UBAP2: variants seen among roughly 807,000 people sequenced by gnomAD.
UBAP2 encodes ubiquitin associated protein 2, also known as ubiquitin-associated protein 2.
A neutral mutation model predicts 139.6 loss-of-function variants in UBAP2; 75 were observed. The observed-to-expected ratio is 0.54, with a 90% CI of 0.45 to 0.65. The LOEUF is 0.65. Ranked by LOEUF, UBAP2 falls within the 30% of genes least tolerant of loss-of-function variation. The pLI is 0.00. For missense variants in UBAP2, 1,368 were observed against 1,369.6 expected, an observed-to-expected ratio of 1.00 and a Z score of 0.02; for synonymous variants, 526 against 526.2, an observed-to-expected ratio of 1.00 and a Z score of 0.01.
In UBAP2 at chr9:33,923,976, C is replaced by T. The variant is rs151191223; in HGVS notation, c.2615G>A (p.Gly872Glu). The change falls in exon 24 of 29, where the codon GGG becomes GAG. Residue 872 changes from glycine to glutamate, a missense_variant. Coordinates refer to ENST00000379238, the MANE Select transcript of UBAP2 (RefSeq NM_001370062.2). ...AGCGGGTGCAGGGGATGCAGAGTCCCCACGGCCAAACTTTGTGACATCACC... is the reference window on the plus strand; with the variant it reads ...AGCGGGTGCAGGGGATGCAGAGTCCTCACGGCCAAACTTTGTGACATCACC... ...YPGDVTKFGR[G>E]DSASPAPATT... 69 of 1,613,778 alleles carry T rather than the reference C, an allele frequency of 4.3e-5. No individual in the cohort carries two copies. Among genetic ancestry groups the T allele is most frequent in the Middle Eastern group, 3.4e-4 (2 of 5,916 alleles).
intron 1 of UBAP2, among the ~76,000 whole-genome samples, chr9:34,039,009 G>A (rs187837703): frequency 0.053 from 7,676 of 145,810 alleles, 279 homozygotes; most frequent in Middle Eastern, 0.12. Flanking sequence ...CTGCCCGGCC[G>A]ACCCGTCTGA....
intron 8 of UBAP2, chr9:33,968,629 T>C (rs1190565330): frequency 1.1e-5 from 3 of 276,648 alleles, no homozygotes; most frequent in Non-Finnish European, 1.4e-5. Context: ...GAAATAATCA[T>C]ACGGATTTTT....
intron 1 of UBAP2, among the ~76,000 whole-genome samples, chr9:34,030,695 G>A (rs1203602837): frequency 6.6e-6 from 1 of 152,114 alleles, no homozygotes; most frequent in African/African-American, 2.4e-5. Flanking sequence ...GGGAGGCCCG[G>A]GCGCATGGAT....
intron 5 of UBAP2, among the ~76,000 whole-genome samples, chr9:33,987,151 C>T (rs1213313348): frequency 6.6e-6 from 1 of 152,040 alleles, no homozygotes; most frequent in Non-Finnish European, 1.5e-5. Flanking sequence ...TGGCTCACAC[C>T]TATAATTCCA....
chr9:33,942,667 T>C (rs307659), intron 15 of UBAP2, among the ~76,000 whole-genome samples: 29,196 of 150,738 alleles, frequency 0.19, 2,940 homozygotes, highest in South Asian at 0.36. Context: ...GAGGCAGAGG[T>C]TGCAGCGAGC....
chr9:33,924,175 G>T, intron 23 of UBAP2, 31 bp downstream of exon 23: 1 of 1,611,932 alleles, frequency 6.2e-7, no homozygotes, highest in Non-Finnish European at 8.5e-7. Flanking sequence ...GGCCGGCCCC[G>T]GGCTACTCCT....
At chr9:34,044,703 T>C (rs148999790) in intron 1 of UBAP2, among the ~76,000 whole-genome samples, 1 of 151,350 alleles carries the variant, frequency 6.6e-6, no homozygotes, top group African/African-American at 2.4e-5. Flanking sequence ...CCATCTCTAC[T>C]AAAATTACAA....
intron 6 of UBAP2, among the ~76,000 whole-genome samples, chr9:33,977,009 C>T (rs1354029818): frequency 6.7e-6 from 1 of 148,486 alleles, no homozygotes; most frequent in Non-Finnish European, 1.5e-5. Flanking sequence ...AAGACTCGGT[C>T]TTGGAAAAAA....
chr9:33,939,131 G>C (rs935527257), intron 16 of UBAP2, among the ~76,000 whole-genome samples: 2 of 150,746 alleles, frequency 1.3e-5, no homozygotes, highest in Admixed American at 6.6e-5. Flanking sequence ...TCTCATTAGA[G>C]GTAGAGTGGC....
At chr9:33,982,880 G>GTTTTTTTTTTTTTTTT (rs544925444) in intron 6 of UBAP2, among the ~76,000 whole-genome samples, 1 of 138,484 alleles carries the variant, frequency 7.2e-6, no homozygotes. Flanking sequence ...GTTTTTTTTT[G>GTTTTTTTTTTTTTTTT]TTTTTTTTTT....
chr9:33,931,895 G>A (rs1183466823), intron 19 of UBAP2, among the ~76,000 whole-genome samples: 1 of 151,934 alleles, frequency 6.6e-6, no homozygotes, highest in Non-Finnish European at 1.5e-5. Context: ...GTTAATCCAG[G>A]CACCTTTCTA....
intron 1 of UBAP2, among the ~76,000 whole-genome samples, chr9:34,023,483 C>T (rs1417503913): frequency 6.6e-6 from 1 of 152,166 alleles, no homozygotes; most frequent in Non-Finnish European, 1.5e-5. Flanking sequence ...ATAACGCAAA[C>T]TATTAAAATT....
chr9:33,936,926 C>CAAAAAAAA (rs66465145), intron 16 of UBAP2, among the ~76,000 whole-genome samples: 3 of 59,794 alleles, frequency 5.0e-5, no homozygotes, highest in South Asian at 7.7e-4. Flanking sequence ...AACTCCAGCT[C>CAAAAAAAA]AAAAAAAAAA....
chr9:34,018,020 T>G (rs1261896776), intron 1 of UBAP2, among the ~76,000 whole-genome samples: 1 of 152,120 alleles, frequency 6.6e-6, no homozygotes, highest in Non-Finnish European at 1.5e-5. Context: ...TAATTAAGTA[T>G]GTCATCAAAA....
At position 33,927,063 on chromosome 9, in the gene UBAP2, A is replaced by G. The variant is rs141121044; in HGVS notation, c.2389T>C (p.Leu797=). 2.4e-5 allele frequency: 39 copies of G among 1,612,692 alleles called. No homozygotes were observed. The highest frequency in any genetic ancestry group is 3.3e-4 in the Middle Eastern group (2 of 6,076). The stretch of plus-strand genomic sequence containing the variant: ...AGCAGGGGAGGCACCCCCTGAGGTA[A>G]GTTTGGGGGTGCTTTGCCTGTATAG... The part of the protein sequence containing the change: ...LVTSGKAPPN[L]PQGVPPLLHN... Residue 797 remains leucine (L), a synonymous_variant, in exon 21 of 29, where the codon TTA becomes CTA. Coordinates refer to ENST00000379238, the MANE Select transcript of UBAP2 (RefSeq NM_001370062.2).
intron 1 of UBAP2, among the ~76,000 whole-genome samples, chr9:34,020,401 T>C (rs1156360458): frequency 1.6e-4 from 24 of 151,774 alleles, no homozygotes; most frequent in Non-Finnish European, 2.9e-5. Context: ...CTCGGCTCAC[T>C]GCAACCTCCA....
At position 33,926,564 on chromosome 9, in the gene UBAP2, G is replaced by A. The variant is rs554530741; in HGVS notation, c.2511+53C>T. ...TGGCAGCCAAGACCATAAGAGGGGG[G>A]ACATGTAAAAGATTCTGAACCCTCT... is the stretch of plus-strand genomic sequence containing the variant. On this transcript the variant is annotated intron_variant, in intron 22 of 28. Coordinates refer to ENST00000379238, the MANE Select transcript of UBAP2 (RefSeq NM_001370062.2). 6.3e-6 allele frequency: 10 copies of A among 1,596,712 alleles called. No individual in the cohort carries two copies. In the South Asian group the frequency reaches 7.7e-5, roughly 12 times the overall value.
chr9:33,962,515 G>A (rs1019016926), intron 9 of UBAP2, among the ~76,000 whole-genome samples: 6 of 151,924 alleles, frequency 3.9e-5, no homozygotes, highest in African/African-American at 7.3e-5. Flanking sequence ...GCGTGGTGGC[G>A]TGTGCCTGTA....
chr9:34,006,221 G>A (rs997690760), intron 2 of UBAP2, among the ~76,000 whole-genome samples: 1 of 148,558 alleles, frequency 6.7e-6, no homozygotes, highest in African/African-American at 2.5e-5. Flanking sequence ...GAGACAGGGT[G>A]AGACTCATCT....
Sources: gnomAD v4.1 joint callset for allele counts (sites outside exome capture counted in the v4.1 genomes callset) on GRCh38, gnomAD v4.1.1 for gene constraint, MANE v1.5 for transcripts, NCBI Gene and HGNC (gene_info 2026-07-23, HGNC 2026-07-21) for gene names.